The following SHCBP1L variants were observed in gnomAD, a reference collection of about 807,000 sequenced individuals.
The protein encoded by SHCBP1L is testicular spindle-associated protein SHCBP1L.
SHCBP1L carries 67 observed loss-of-function variants against 62.5 expected under a neutral mutation model. The observed-to-expected ratio is 1.07, with a 90% CI of 0.88 to 1.31. The LOEUF is 1.31. Ranked by LOEUF, SHCBP1L falls within the 40% of genes most tolerant of loss-of-function variation. SHCBP1L has a pLI of 0.00. For synonymous variants in SHCBP1L, 284 were observed against 289.4 expected (o/e 0.98, Z 0.19); for missense variants, 823 against 809.8 (o/e 1.02, Z -0.20).
intron 6 of SHCBP1L, among the ~76,000 whole-genome samples, chr1:182,924,695 GGAAAGGAAGAAAGAAA>G (rs1293436746): frequency 7.8e-5 from 6 of 76,856 alleles, no homozygotes; most frequent in South Asian, 4.2e-4. Context: ...GGAAAGGAAA[GGAAAGGAAGAAAGAAA>G]GAAAGAAAGA....
chr1:182,930,418 C>G (rs1164078556), intron 5 of SHCBP1L, among the ~76,000 whole-genome samples: 1 of 151,046 alleles, frequency 6.6e-6, no homozygotes, highest in African/African-American at 2.4e-5. Flanking sequence ...TTTATCATTA[C>G]TGTCAGCCAA....
rs183381946 is a variant in SHCBP1L at position 182,934,054 on chromosome 1, T to G, written c.1077-4302A>C. ...ATTTATGTTTCTGCTTGAATCATTT[T>G]TGGTAGATTGTGTCTTACTAGGCAT... On this transcript the variant is annotated intron_variant, in intron 5 of 9. Coordinates refer to ENST00000367547, the MANE Select transcript of SHCBP1L (RefSeq NM_030933.4). 4.1e-4 allele frequency among the ~76,000 whole-genome samples: 62 copies of G among 152,276 alleles called. No homozygotes were observed. The East Asian group carries it at 0.011, about 27-fold the overall frequency.
chr1:182,939,462 C>T lies in SHCBP1L; in HGVS notation c.857+5G>A. The stretch of plus-strand genomic sequence containing the variant: ...GTGCGGTATAAGTTTATAAACTATA[C>T]TTACAAATTAATTCTTTCTTCAATA... On this transcript the variant is annotated splice_donor_5th_base_variant and intron_variant, in intron 4 of 9. Coordinates refer to ENST00000367547, the MANE Select transcript of SHCBP1L (RefSeq NM_030933.4). 6.2e-7 allele frequency: 1 copy of T among 1,602,048 alleles called. No individual in the cohort carries two copies. The highest frequency in any genetic ancestry group is 8.5e-7 in the Non-Finnish European group (1 of 1,174,506).
At chr1:182,925,120 G>A (rs184090347) in intron 6 of SHCBP1L, among the ~76,000 whole-genome samples, 11 of 151,910 alleles carry the variant, frequency 7.2e-5, no homozygotes, top group Admixed American at 5.9e-4. Context: ...GAAAGAAGGA[G>A]GGGGAGGAAG....
chr1:182,952,847 A>C lies in SHCBP1L; in HGVS notation c.287T>G (p.Val96Gly), dbSNP rs1439509213. The C allele has an allele frequency of 6.8e-6, 11 of 1,610,662 alleles. No homozygotes were observed. The highest frequency in any genetic ancestry group is 9.3e-6 in the Non-Finnish European group (11 of 1,179,070). ...AAAAEEPLLP[V>G]PEDEEEAQPL... is the part of the protein sequence containing the mutation. Reference sequence around the variant, plus strand: ...CTGCGCCTCCTCTTCATCCTCAGGCACTGGCAGCAGGGGCTCCTCCGCCGC... The same window carrying C: ...CTGCGCCTCCTCTTCATCCTCAGGCCCTGGCAGCAGGGGCTCCTCCGCCGC... Residue 96 changes from valine (V) to glycine (G), a missense_variant, in exon 1 of 10, where the codon GTG becomes GGG. Physicochemically the swap from Val to Gly is moderately radical, Grantham distance 109. Coordinates refer to ENST00000367547, the MANE Select transcript of SHCBP1L (RefSeq NM_030933.4).
chr1:182,953,026 G>A lies in SHCBP1L; in HGVS notation c.108C>T (p.Ala36=). The change falls in exon 1 of 10, where the codon GCC becomes GCT. Residue 36 remains alanine (A), a synonymous_variant. Coordinates refer to ENST00000367547, the MANE Select transcript of SHCBP1L (RefSeq NM_030933.4). ...TCGCGGTGCCCTTCAGGGTGGTCGC[G>A]GCCGCCGTGTCCCCGGAGACAGCGG... ...SASAVSGDTA[A]ATTLKGTAIP... 1.3e-6 allele frequency: 2 copies of A among 1,542,508 alleles called. No homozygotes were observed. Among genetic ancestry groups the A allele is most frequent in the South Asian group, 1.2e-5 (1 of 84,320 alleles).
At position 182,922,541 on chromosome 1, in the gene SHCBP1L, G is replaced by A. The variant is rs150461290; in HGVS notation, c.1182+7106C>T. On this transcript the variant is annotated intron_variant, in intron 6 of 9. Coordinates refer to ENST00000367547, the MANE Select transcript of SHCBP1L (RefSeq NM_030933.4). ...TGCACTCCAGCCTGGGTGACAGAGC[G>A]AGACTCCATCTAAAAAAAAAAAAAA... Among the ~76,000 whole-genome samples, 958 of 149,726 alleles carry A rather than the reference G, an allele frequency of 6.4e-3. 13 individuals are homozygous for A. Among genetic ancestry groups the A allele is most frequent in the South Asian group, 0.056 (266 of 4,730 alleles).
intron 5 of SHCBP1L, among the ~76,000 whole-genome samples, chr1:182,933,905 G>A (rs2101946135): frequency 6.6e-6 from 1 of 152,266 alleles, no homozygotes; most frequent in African/African-American, 2.4e-5. Context: ...AAGAATTAGT[G>A]TTGATTCTTC....
At chr1:182,906,803 C>T (rs901887888) in intron 6 of SHCBP1L, among the ~76,000 whole-genome samples, 1 of 151,856 alleles carries the variant, frequency 6.6e-6, no homozygotes, top group Admixed American at 6.6e-5. Context: ...TTATTAGTGT[C>T]GTAAAGACTG....
intron 6 of SHCBP1L, among the ~76,000 whole-genome samples, chr1:182,924,565 G>A (rs1650615530): frequency 6.6e-6 from 1 of 151,274 alleles, no homozygotes; most frequent in Non-Finnish European, 1.5e-5. Flanking sequence ...CAAAGTGCTG[G>A]GATTACAGGT....
chr1:182,951,485 G>T lies in SHCBP1L; in HGVS notation c.406-18C>A. The T allele has an allele frequency of 6.6e-7, 1 of 1,511,996 alleles. No homozygotes were observed. 93.7% of individuals were successfully genotyped at this position (1,511,996 alleles called of 1,614,324 possible). A position where few individuals can be genotyped will look rare whatever the true frequency, so the allele number is the denominator to read the frequency against. ...TCTTCTGCCTAACAAGAGAAAAAAT[G>T]GATCTACATATAAATATATGAAATT... is the stretch of plus-strand genomic sequence containing the variant. On this transcript the variant is annotated intron_variant, in intron 1 of 9. Coordinates refer to ENST00000367547, the MANE Select transcript of SHCBP1L (RefSeq NM_030933.4).
rs775138896 is a variant in SHCBP1L at position 182,903,168 on chromosome 1, A to G, written c.1588-7T>C. 1 of 1,525,022 alleles carries G rather than the reference A, an allele frequency of 6.6e-7. No homozygotes were observed. Among genetic ancestry groups the G allele is most frequent in the South Asian group, 1.3e-5 (1 of 74,716 alleles). The allele number at this position is 1,525,022 out of a possible 1,614,324, so 94.5% of individuals were successfully genotyped here. Reference sequence around the variant, plus strand: ...ACAGTTCAACACCAGCACCCTGTAAATTAAAAGCAAATAAAACTATCTACA... The same window carrying G: ...ACAGTTCAACACCAGCACCCTGTAAGTTAAAAGCAAATAAAACTATCTACA... On this transcript the variant is annotated splice_polypyrimidine_tract_variant and splice_region_variant and intron_variant, in intron 8 of 9. Transcript: ENST00000367547.
At chr1:182,946,572 G>C (rs1651571959) in intron 2 of SHCBP1L, among the ~76,000 whole-genome samples, 1 of 151,964 alleles carries the variant, frequency 6.6e-6, no homozygotes, top group South Asian at 2.1e-4. Flanking sequence ...CTTCCCAATG[G>C]GAGTACTCCC....
intron 2 of SHCBP1L, among the ~76,000 whole-genome samples, chr1:182,941,299 C>CT (rs796925910): frequency 9.6e-4 from 120 of 124,820 alleles, no homozygotes; most frequent in East Asian, 8.5e-3. Flanking sequence ...GAGTAAAATT[C>CT]TTTTTTTTTT....
At chr1:182,947,407 T>C in intron 2 of SHCBP1L, among the ~76,000 whole-genome samples, 1 of 152,220 alleles carries the variant, frequency 6.6e-6, no homozygotes, top group Non-Finnish European at 1.5e-5. Context: ...GTTCTTGATA[T>C]ATTTTGCTAA....
intron 6 of SHCBP1L, among the ~76,000 whole-genome samples, chr1:182,907,821 C>T (rs1650063526): frequency 6.6e-6 from 1 of 152,106 alleles, no homozygotes; most frequent in African/African-American, 2.4e-5. Flanking sequence ...TCAAGTGATC[C>T]ACCCGCCTTG....
rs868238449 is a variant in SHCBP1L, at chr1:182,927,411, G to A, written c.1182+2236C>T. On this transcript the variant is annotated intron_variant, in intron 6 of 9. Transcript: ENST00000367547. ...ACAGCAGCCGGGCGCGGTGGCTCAC[G>A]CCTGTAATCCCAGCACTTTGGGAGG... Among the ~76,000 whole-genome samples, 5 of 151,984 alleles carry A rather than the reference G, an allele frequency of 3.3e-5. No individual in the cohort carries two copies. The South Asian group carries it at 8.3e-4, about 25-fold the overall frequency.
At chr1:182,930,651 ATATGTGTGTG>A (rs1339825585) in intron 5 of SHCBP1L, among the ~76,000 whole-genome samples, 2 of 49,982 alleles carry the variant, frequency 4.0e-5, no homozygotes, top group Non-Finnish European at 7.4e-5. Flanking sequence ...GCCCTGGAGT[ATATGTGTGTG>A]TGTGTGTGTG....
At chr1:182,943,161 G>C (rs529394664) in intron 2 of SHCBP1L, among the ~76,000 whole-genome samples, 3 of 151,744 alleles carry the variant, frequency 2.0e-5, no homozygotes, top group Non-Finnish European at 4.4e-5. Flanking sequence ...CTGTTGCCCA[G>C]GCTAAAGTGC....
Sources: allele counts gnomAD v4.1 joint callset (sites outside exome capture counted in the v4.1 genomes callset), GRCh38; gene constraint gnomAD v4.1.1; transcripts MANE v1.5; gene names NCBI Gene and HGNC (gene_info 2026-07-23, HGNC 2026-07-21).